SGCD: variants seen among roughly 807,000 people sequenced by gnomAD.
The protein encoded by SGCD is delta-sarcoglycan.
A neutral mutation model predicts 36.6 loss-of-function variants in SGCD; 18 were observed. The observed-to-expected ratio is 0.49, with a 90% CI of 0.34 to 0.73. The LOEUF is 0.73. Ranked by LOEUF, SGCD falls within the 30% of genes least tolerant of loss-of-function variation. SGCD has a pLI of 0.01. For synonymous variants in SGCD, 133 were observed against 130.6 expected (o/e 1.02, Z -0.12); for missense variants, 387 against 346.7 (o/e 1.12, Z -0.92).
chr5:156,295,804 C>T (rs1020649001), intron 3 of SGCD, among the ~76,000 whole-genome samples: 5 of 152,286 alleles, frequency 3.3e-5, no homozygotes, highest in Admixed American at 6.5e-5. Context: ...ACCAAAATAT[C>T]CAATCTCTAA....
chr5:156,239,773 A>G (rs1348028553), intron 3 of SGCD, among the ~76,000 whole-genome samples: 1 of 152,180 alleles, frequency 6.6e-6, no homozygotes, highest in Non-Finnish European at 1.5e-5. Context: ...AAATGGGAAC[A>G]ATTGTATCTA....
intron 1 of SGCD, among the ~76,000 whole-genome samples, chr5:156,329,318 T>C (rs985570041): frequency 3.9e-5 from 6 of 152,282 alleles, no homozygotes; most frequent in Non-Finnish European, 5.9e-5. Flanking sequence ...ACTGATTTGT[T>C]GGACTGGAGG....
chr5:155,934,762 G>A (rs1414549727), intron 1 of SGCD, among the ~76,000 whole-genome samples: 1 of 152,160 alleles, frequency 6.6e-6, no homozygotes, highest in Non-Finnish European at 1.5e-5. Flanking sequence ...AGCTGAAAAT[G>A]TTGGCTACTT....
chr5:155,840,398 C>G, the SGCD span, among the ~76,000 whole-genome samples: 1 of 138,590 alleles, frequency 7.2e-6, no homozygotes, highest in African/African-American at 2.8e-5. Context: ...TGCCTGCCAC[C>G]ACGCCCAGCT....
the SGCD span, among the ~76,000 whole-genome samples, chr5:155,814,247 T>A: frequency 6.6e-6 from 1 of 152,230 alleles, no homozygotes; most frequent in Non-Finnish European, 1.5e-5. Flanking sequence ...AGAGTTTTCT[T>A]GTTTGCTCTT....
chr5:156,565,890 G>A (rs1759460388), intron 4 of SGCD, among the ~76,000 whole-genome samples: 1 of 152,120 alleles, frequency 6.6e-6, no homozygotes, highest in African/African-American at 2.4e-5. Flanking sequence ...CCTTTTTTAT[G>A]GCTGCCTTGT....
chr5:156,166,945 T>C (rs1013900381), intron 3 of SGCD, among the ~76,000 whole-genome samples: 1 of 152,186 alleles, frequency 6.6e-6, no homozygotes, highest in Non-Finnish European at 1.5e-5. Context: ...AAAGCTTTTC[T>C]CTAATAGGCT....
At chr5:156,622,030 ATTTTGGTT>A (rs893737640) in intron 6 of SGCD, among the ~76,000 whole-genome samples, 1 of 152,192 alleles carries the variant, frequency 6.6e-6, no homozygotes, top group Non-Finnish European at 1.5e-5. Flanking sequence ...TGAAACCTGT[ATTTTGGTT>A]TTCTTTAAAT....
chr5:156,549,239 C>G (rs1758698381), intron 4 of SGCD, among the ~76,000 whole-genome samples: 1 of 152,146 alleles, frequency 6.6e-6, no homozygotes, highest in African/African-American at 2.4e-5. Context: ...GGGAAAACAT[C>G]TGTTCCATGG....
the SGCD span, among the ~76,000 whole-genome samples, chr5:155,729,600 T>G: frequency 6.6e-6 from 1 of 152,110 alleles, no homozygotes; most frequent in African/African-American, 2.4e-5. Flanking sequence ...ATACAGGGTG[T>G]CCAGACAGAG....
chr5:156,705,019 GGAA>G (rs1403772762), intron 7 of SGCD, among the ~76,000 whole-genome samples: 1 of 151,980 alleles, frequency 6.6e-6, no homozygotes, highest in Non-Finnish European at 1.5e-5. Flanking sequence ...GAGATAGTAT[GGAA>G]GAAGAGAAAT....
At chr5:156,488,558 A>G (rs1755806174) in intron 3 of SGCD, among the ~76,000 whole-genome samples, 1 of 152,146 alleles carries the variant, frequency 6.6e-6, no homozygotes, top group Admixed American at 6.5e-5. Flanking sequence ...TACCTAGAAA[A>G]TCTATTATTC....
chr5:156,470,348 G>A (rs977432566), intron 3 of SGCD, among the ~76,000 whole-genome samples: 3 of 148,940 alleles, frequency 2.0e-5, no homozygotes, highest in Admixed American at 6.7e-5. Flanking sequence ...GATGTTTTGA[G>A]TTTTTTTTTT....
chr5:156,134,634 G>A (rs1207680470), intron 3 of SGCD, among the ~76,000 whole-genome samples: 4 of 150,564 alleles, frequency 2.7e-5, no homozygotes, highest in Non-Finnish European at 5.9e-5. Context: ...CTCATAGGTG[G>A]GAATTGAACC....
intron 1 of SGCD, among the ~76,000 whole-genome samples, chr5:155,989,439 G>T (rs527389342): frequency 6.6e-6 from 1 of 152,006 alleles, no homozygotes; most frequent in Non-Finnish European, 1.5e-5. Context: ...GTTTAACTTG[G>T]CTTTTGGGCC....
Position 156,610,151 on chromosome 5 carries a change from G to C in SGCD, c.502+15100G>C, listed in dbSNP as rs1230387813. On this transcript the variant is annotated intron_variant, in intron 6 of 8. Transcript: ENST00000337851. Reference sequence around the variant, plus strand: ...TTTTAGAGTTTCCGGTTTTTCTGCTGTTTTTTCCCCATCTTTGTAGTTTTA... The same window carrying C: ...TTTTAGAGTTTCCGGTTTTTCTGCTCTTTTTTCCCCATCTTTGTAGTTTTA... Among the ~76,000 whole-genome samples the C allele has an allele frequency of 9.8e-5, 14 of 142,922 alleles. No homozygotes were observed. The Admixed American group carries it at 9.8e-4, about 10-fold the overall frequency. 93.8% of individuals were successfully genotyped at this position (142,922 alleles called of 152,430 possible).
intron 1 of SGCD, among the ~76,000 whole-genome samples, chr5:156,021,387 G>A (rs903403972): frequency 1.3e-5 from 2 of 152,162 alleles, no homozygotes; most frequent in Non-Finnish European, 2.9e-5. Flanking sequence ...AAGCATGGTG[G>A]TGTGAACCTG....
At chr5:156,229,792 C>T (rs1245672898) in intron 3 of SGCD, among the ~76,000 whole-genome samples, 5 of 152,144 alleles carry the variant, frequency 3.3e-5, no homozygotes, top group Admixed American at 3.3e-4. Context: ...CTCAGGAATG[C>T]TGATTATTCT....
rs185735445 is a variant in SGCD at position 156,300,951 on chromosome 5, G to A, written c.-43-28583G>A. Among the ~76,000 whole-genome samples, 90 of 151,918 alleles carry A rather than the reference G, an allele frequency of 5.9e-4. 3 individuals carry two copies. The highest frequency in any genetic ancestry group is 6.8e-3 in the Middle Eastern group (2 of 294). ...CTCCTGCTCTCTTTTGGTCTCTATG[G>A]CATGGCATATCTTTTTCCATCCCTC... On this transcript the variant is annotated intron_variant, in intron 3 of 9. Transcript: ENST00000517913.
Sources: allele counts gnomAD v4.1 joint callset (sites outside exome capture counted in the v4.1 genomes callset), GRCh38; gene constraint gnomAD v4.1.1; transcripts MANE v1.5; gene names NCBI Gene and HGNC (gene_info 2026-07-23, HGNC 2026-07-21).